Variants in PCDHGB3 observed in about 807,000 individuals in gnomAD.
PCDHGB3 encodes the protein protocadherin gamma-B3.
A neutral mutation model predicts 59.2 loss-of-function variants in PCDHGB3; 40 were observed. The ratio of observed to expected loss-of-function variants is 0.68; its 90% CI spans 0.52 to 0.88. The LOEUF is 0.88. Among genes scored for constraint, PCDHGB3 ranks in the 40% least tolerant of loss-of-function variants. The probability of loss-of-function intolerance (pLI) is 0.00; values close to 1 mark genes in which losing one functional copy is unlikely to be tolerated. For missense variants in PCDHGB3, 1,309 were observed against 1,187.9 expected (o/e 1.10, Z -1.50); for synonymous variants, 581 against 503.6 (o/e 1.15, Z -2.06).
intron 1 of PCDHGB3, chr5:141,374,762 C>A (rs765014957): frequency 1.2e-5 from 19 of 1,613,390 alleles, no homozygotes. Flanking sequence ...AAGCGTCGCC[C>A]AAATTCTGGT....
intron 1 of PCDHGB3, among the ~76,000 whole-genome samples, chr5:141,466,725 G>A (rs1184472416): frequency 2.6e-5 from 4 of 152,024 alleles, no homozygotes; most frequent in Non-Finnish European, 5.9e-5. Context: ...TTCCATTTTA[G>A]CAGAATTCAT....
At chr5:141,396,952 A>G (rs2093458879) in intron 1 of PCDHGB3, among the ~76,000 whole-genome samples, 1 of 152,196 alleles carries the variant, frequency 6.6e-6, no homozygotes, top group African/African-American at 2.4e-5. Context: ...AGGAAAGAAA[A>G]TCCTTACTCT....
chr5:141,377,890 C>T (rs1204585448), intron 1 of PCDHGB3: 1 of 152,090 alleles, frequency 6.6e-6, no homozygotes, highest in African/African-American at 2.4e-5. Context: ...GATAGGATCC[C>T]CCTCTGTTGC....
In PCDHGB3 at chr5:141,383,779, C is replaced by G. The variant is rs1779468390; in HGVS notation, c.2415+10970C>G. 1 of 1,614,002 alleles carries G rather than the reference C, an allele frequency of 6.2e-7. No homozygotes were observed. ...TCCTAAACTTCCAAAGATGTTTCATCTGAACTCGCTTACAGGAGAAATATC... is the reference window on the plus strand; with the variant it reads ...TCCTAAACTTCCAAAGATGTTTCATGTGAACTCGCTTACAGGAGAAATATC... On this transcript the variant is annotated intron_variant, in intron 1 of 3. Coordinates refer to ENST00000576222, the MANE Select transcript of PCDHGB3 (RefSeq NM_018924.5).
At chr5:141,475,778 T>A (rs1204790631) in intron 1 of PCDHGB3, among the ~76,000 whole-genome samples, 1 of 152,400 alleles carries the variant, frequency 6.6e-6, no homozygotes. Context: ...GCGCTTTGGC[T>A]GGAAACTCTG....
chr5:141,497,957 A>G (rs2099780682), intron 2 of PCDHGB3, among the ~76,000 whole-genome samples: 1 of 152,242 alleles, frequency 6.6e-6, no homozygotes, highest in Non-Finnish European at 1.5e-5. Flanking sequence ...TCTGTTGGCC[A>G]GGCAGTGTTC....
chr5:141,372,206 G>C lies in PCDHGB3; in HGVS notation c.1812G>C (p.Leu604=). ...CAGACTCGGGATACAACGCCTGGCT[G>C]TCCTACCACATTGTGCAGGCCAGCG... The part of the protein sequence containing the change: ...VDADSGYNAW[L]SYHIVQASEP... Residue 604 remains leucine (L), a synonymous_variant, in exon 1 of 4, where the codon CTG becomes CTC. Coordinates refer to ENST00000576222, the MANE Select transcript of PCDHGB3 (RefSeq NM_018924.5). 6.2e-7 allele frequency: 1 copy of C among 1,613,590 alleles called. No homozygotes were observed. Among genetic ancestry groups the C allele is most frequent in the East Asian group, 2.2e-5 (1 of 44,868 alleles).
intron 1 of PCDHGB3, among the ~76,000 whole-genome samples, chr5:141,455,045 C>G (rs1008259013): frequency 6.6e-6 from 1 of 151,798 alleles, no homozygotes; most frequent in Non-Finnish European, 1.5e-5. Context: ...ATCTCCTGAC[C>G]TCGTGATCCG....
At chr5:141,382,787 T>A in intron 1 of PCDHGB3, 1 of 906,454 alleles carries the variant, frequency 1.1e-6, no homozygotes, top group Non-Finnish European at 1.7e-6. Context: ...CTCAAGCCTC[T>A]ATCCTGCTGG....
chr5:141,409,572 A>G (rs1440637025), intron 1 of PCDHGB3: 2 of 1,613,920 alleles, frequency 1.2e-6, no homozygotes, highest in South Asian at 1.1e-5. Context: ...CAGACGTCCT[A>G]CGTGGTCCAC....
chr5:141,373,139 A>G (rs886915700), intron 1 of PCDHGB3, among the ~76,000 whole-genome samples: 1 of 152,238 alleles, frequency 6.6e-6, no homozygotes, highest in Non-Finnish European at 1.5e-5. Flanking sequence ...CCTCACAATT[A>G]AGTGGTTTAC....
intron 1 of PCDHGB3, among the ~76,000 whole-genome samples, chr5:141,469,684 T>C (rs1471928749): frequency 6.6e-6 from 1 of 152,256 alleles, no homozygotes; most frequent in Non-Finnish European, 1.5e-5. Flanking sequence ...ACATATGCAT[T>C]GGTCCTATGA....
chr5:141,454,625 C>G (rs1193628253), intron 1 of PCDHGB3, among the ~76,000 whole-genome samples: 1 of 151,512 alleles, frequency 6.6e-6, no homozygotes, highest in Admixed American at 6.6e-5. Context: ...AGGCTGGTCT[C>G]GAACCCCCAA....
rs754536860 is a variant in PCDHGB3, at chr5:141,432,221, A to G, written c.2415+59412A>G. The G allele has an allele frequency of 2.5e-6, 4 of 1,614,190 alleles. No homozygotes were observed. The South Asian group carries it at 4.4e-5, about 18-fold the overall frequency. ...CGACTGTGAAGAGAACGCCCAGATC[A>G]CTTATTCCCTGGCTGAGAACACCAT... On this transcript the variant is annotated intron_variant, in intron 1 of 3. Coordinates refer to ENST00000576222, the MANE Select transcript of PCDHGB3 (RefSeq NM_018924.5). The surrounding 1 kb of genome is among the most constrained non-coding windows in gnomAD (Gnocchi z 6.0).
rs1471215172 is a variant in PCDHGB3 at position 141,511,840 on chromosome 5, TCTG to T, written c.*668_*670del. 1 of 156,722 alleles carries T rather than the reference TCTG, an allele frequency of 6.4e-6. No homozygotes were observed. Among genetic ancestry groups the T allele is most frequent in the African/African-American group, 2.4e-5 (1 of 41,448 alleles). The allele number at this position is 156,722 out of a possible 1,614,324, so 9.7% of individuals were successfully genotyped here. A position where few individuals can be genotyped will look rare whatever the true frequency, so the allele number is the denominator to read the frequency against. On this transcript the variant is annotated 3_prime_UTR_variant, in exon 4 of 4. Coordinates refer to ENST00000576222, the MANE Select transcript of PCDHGB3 (RefSeq NM_018924.5). ...TTCCCAACGCCCTGGGGACCAGTCTTCTGTTTTGTTTTTCATTGTTTGACGTTT... is the reference window on the plus strand; with the variant it reads ...TTCCCAACGCCCTGGGGACCAGTCTTTTTTGTTTTTCATTGTTTGACGTTT...
intron 1 of PCDHGB3, chr5:141,399,237 AGATTCTG>A: frequency 6.2e-7 from 1 of 1,614,002 alleles, no homozygotes; most frequent in South Asian, 1.1e-5. Context: ...TACATGACCA[AGATTCTG>A]GGGAAAATGG....
At chr5:141,384,656 A>G in intron 1 of PCDHGB3, 1 of 1,614,192 alleles carries the variant, frequency 6.2e-7, no homozygotes, top group Non-Finnish European at 8.5e-7. Flanking sequence ...GAGCCCGGCT[A>G]CCTGGTGACC....
At chr5:141,419,558 C>T (rs560723941) in intron 1 of PCDHGB3, 1 of 1,611,970 alleles carries the variant, frequency 6.2e-7, no homozygotes, top group African/African-American at 1.3e-5. Context: ...GTACCCTGCG[C>T]TGGGTCCCGA....
intron 1 of PCDHGB3, chr5:141,403,034 G>T (rs1589474195): frequency 1.9e-6 from 3 of 1,614,096 alleles, no homozygotes; most frequent in East Asian, 2.2e-5. Flanking sequence ...GGAGGCCAGG[G>T]CCAGTCAGAT....
Sources: allele counts gnomAD v4.1 joint callset (sites outside exome capture counted in the v4.1 genomes callset), GRCh38; gene constraint gnomAD v4.1.1; non-coding constraint Gnocchi (gnomAD v3.1); transcripts MANE v1.5; gene names NCBI Gene and HGNC (gene_info 2026-07-23, HGNC 2026-07-21).